IL1RAPL1: variants seen among roughly 807,000 people sequenced by gnomAD.
The protein encoded by IL1RAPL1 is interleukin-1 receptor accessory protein-like 1.
In IL1RAPL1, 3 loss-of-function variants were observed where a neutral mutation model predicts 48.4. The ratio of observed to expected loss-of-function variants is 0.06; its 90% CI spans 0.03 to 0.16. The LOEUF (loss-of-function observed/expected upper bound fraction) is 0.16, where lower values mean the gene tolerates loss of function less well. Among genes scored for constraint, IL1RAPL1 ranks in the 10% least tolerant of loss-of-function variants. The pLI is 1.00. For missense variants in IL1RAPL1, 349 were observed against 530.6 expected (o/e 0.66, Z 3.36); for synonymous variants, 185 against 187.7 (o/e 0.99, Z 0.12).
chrX:28,621,500 C>T (rs748999602), intron 1 of IL1RAPL1, among the ~76,000 whole-genome samples: 1 of 112,012 alleles, frequency 8.9e-6, no homozygotes, highest in Non-Finnish European at 1.9e-5. Flanking sequence ...ACTTTTGAGG[C>T]TCTGACTTAG....
At chrX:29,548,600 T>C (rs1300844350) in intron 5 of IL1RAPL1, among the ~76,000 whole-genome samples, 3 of 112,119 alleles carry the variant, frequency 2.7e-5, no homozygotes, top group Non-Finnish European at 5.6e-5. Context: ...TTTTATGAAA[T>C]ATATTTATCA....
chrX:29,308,169 G>A (rs1043152028), intron 3 of IL1RAPL1, among the ~76,000 whole-genome samples: 6 of 111,684 alleles, frequency 5.4e-5, no homozygotes, highest in Admixed American at 9.5e-5. Flanking sequence ...TTAGATTAGA[G>A]GCTCACATGA....
At chrX:29,028,169 A>G (rs1316332270) in intron 2 of IL1RAPL1, among the ~76,000 whole-genome samples, 2 of 110,156 alleles carry the variant, frequency 1.8e-5, no homozygotes, top group South Asian at 3.8e-4. Context: ...TGTAATCCCT[A>G]TTTTAAACAA....
chrX:29,082,885 C>G (rs945295335), intron 2 of IL1RAPL1, among the ~76,000 whole-genome samples: 7 of 111,972 alleles, frequency 6.3e-5, no homozygotes, highest in Non-Finnish European at 1.1e-4. Context: ...CACCACTTAT[C>G]TGAGGCTAAG....
At chrX:29,020,623 G>A (rs1271407138) in intron 2 of IL1RAPL1, among the ~76,000 whole-genome samples, 1 of 111,920 alleles carries the variant, frequency 8.9e-6, no homozygotes, top group Non-Finnish European at 1.9e-5. Flanking sequence ...GGTGACCATA[G>A]TAGGTTGACT....
intron 2 of IL1RAPL1, among the ~76,000 whole-genome samples, chrX:28,936,591 G>A (rs1042133255): frequency 8.1e-5 from 9 of 110,494 alleles, no homozygotes; most frequent in African/African-American, 3.0e-4. Flanking sequence ...ATGTATGTAT[G>A]TATGCATAAT....
In IL1RAPL1 at chrX:29,635,317, C is replaced by G. The variant is rs562501306; in HGVS notation, c.704-33113C>G. Among the ~76,000 whole-genome samples, 6 of 112,005 alleles carry G rather than the reference C, an allele frequency of 5.4e-5. No homozygotes were observed. In the South Asian group the frequency reaches 2.2e-3, roughly 41 times the overall value. ...ACACCAAGGGTAAAGATTCTAAAAA[C>G]TTTTCCAAAGGTGTTAGAGGAAGGT... On this transcript the variant is annotated intron_variant, in intron 5 of 10. Transcript: ENST00000378993.
At chrX:28,758,967 C>T (rs780026884) in intron 1 of IL1RAPL1, among the ~76,000 whole-genome samples, 6 of 112,225 alleles carry the variant, frequency 5.3e-5, no homozygotes, top group East Asian at 2.8e-4. Context: ...CTGGGTGCAG[C>T]GGCTCACGCC....
At chrX:29,685,783 G>A (rs1569145802) in intron 6 of IL1RAPL1, among the ~76,000 whole-genome samples, 1 of 109,966 alleles carries the variant, frequency 9.1e-6, no homozygotes, top group Non-Finnish European at 1.9e-5. Flanking sequence ...TCAGGAGTTC[G>A]AGACCGGCCT....
At chrX:29,083,656 A>G (rs773533790) in intron 2 of IL1RAPL1, among the ~76,000 whole-genome samples, 7 of 111,890 alleles carry the variant, frequency 6.3e-5, no homozygotes, top group South Asian at 7.6e-4. Flanking sequence ...TGTTACTGCA[A>G]TGATCTATGA....
At chrX:29,593,326 G>A (rs1341936515) in intron 5 of IL1RAPL1, among the ~76,000 whole-genome samples, 3 of 111,801 alleles carry the variant, frequency 2.7e-5, no homozygotes, top group East Asian at 5.6e-4. Context: ...TACCAGGTTC[G>A]TGGTGGAAAC....
chrX:29,523,824 G>T (rs779941313), intron 5 of IL1RAPL1, among the ~76,000 whole-genome samples: 3 of 111,347 alleles, frequency 2.7e-5, no homozygotes, highest in Non-Finnish European at 5.7e-5. Context: ...TAGCTGCTCA[G>T]TTCTTCTAAC....
intron 6 of IL1RAPL1, among the ~76,000 whole-genome samples, chrX:29,832,476 G>C (rs774544171): frequency 9.0e-6 from 1 of 111,080 alleles, no homozygotes; most frequent in Non-Finnish European, 1.9e-5. Context: ...TAACAGAAAA[G>C]CTTTATGAAT....
intron 2 of IL1RAPL1, among the ~76,000 whole-genome samples, chrX:29,119,810 A>G (rs1928745751): frequency 9.0e-6 from 1 of 111,573 alleles, no homozygotes; most frequent in East Asian, 2.8e-4. Context: ...GCATCCATCA[A>G]GGAAAGGGGG....
At chrX:29,299,667 C>G (rs754885808) in intron 3 of IL1RAPL1, among the ~76,000 whole-genome samples, 55 of 112,149 alleles carry the variant, frequency 4.9e-4, no homozygotes, top group African/African-American at 1.8e-3. Context: ...TAGATCCTAC[C>G]ACTTACTGTT....
At position 29,197,348 on chromosome X, in the gene IL1RAPL1, A is replaced by T. The variant is rs189382517; in HGVS notation, c.83-85590A>T. ...ATGTCTGATGTCTGTTTGGAGAATTATCTCAGGCTCTCTGGGGGGAAAAAA... is the reference window on the plus strand; with the variant it reads ...ATGTCTGATGTCTGTTTGGAGAATTTTCTCAGGCTCTCTGGGGGGAAAAAA... On this transcript the variant is annotated intron_variant, in intron 2 of 10. Transcript: ENST00000378993. 3.5e-3 allele frequency among the ~76,000 whole-genome samples: 392 copies of T among 111,706 alleles called. 1 individual carries two copies. Among genetic ancestry groups the T allele is most frequent in the African/African-American group, 0.012 (377 of 30,797 alleles).
At chrX:29,720,013 C>T (rs1373087434) in intron 6 of IL1RAPL1, among the ~76,000 whole-genome samples, 2 of 112,047 alleles carry the variant, frequency 1.8e-5, no homozygotes, top group Admixed American at 9.5e-5. Flanking sequence ...TCAACCGCTT[C>T]ATCACTGGTC....
At chrX:28,844,402 T>G (rs1210524243) in intron 2 of IL1RAPL1, among the ~76,000 whole-genome samples, 2 of 108,963 alleles carry the variant, frequency 1.8e-5, no homozygotes, top group African/African-American at 6.7e-5. Flanking sequence ...CCTTGAATGC[T>G]TCCATTTATT....
intron 3 of IL1RAPL1, among the ~76,000 whole-genome samples, chrX:29,337,391 T>G (rs1270854400): frequency 2.7e-5 from 3 of 111,883 alleles, no homozygotes; most frequent in Non-Finnish European, 3.8e-5. Flanking sequence ...ACAAGATTAC[T>G]TTCTAATTTA....
Sources: gnomAD v4.1 joint callset for allele counts (sites outside exome capture counted in the v4.1 genomes callset) on GRCh38, gnomAD v4.1.1 for gene constraint, MANE v1.5 for transcripts, NCBI Gene and HGNC (gene_info 2026-07-23, HGNC 2026-07-21) for gene names.